Variants in OASL observed in about 807,000 individuals in gnomAD.
OASL encodes the protein 2'-5'-oligoadenylate synthase-like protein.
In OASL, 28 loss-of-function variants were observed where a neutral mutation model predicts 35.3. The observed-to-expected ratio is 0.79, with a 90% CI of 0.59 to 1.09. The LOEUF (loss-of-function observed/expected upper bound fraction) is 1.09, where lower values mean the gene tolerates loss of function less well. Among genes scored for constraint, OASL ranks in the 50% least tolerant of loss-of-function variants. The pLI is 0.00. For synonymous variants in OASL, 252 were observed against 254.6 expected (o/e 0.99, Z 0.10); for missense variants, 620 against 635.2 (o/e 0.98, Z 0.26).
intron 1 of OASL, 30 bp downstream of exon 1, chr12:121,038,744 T>A (rs1870056282): frequency 6.2e-7 from 1 of 1,611,470 alleles, no homozygotes; most frequent in East Asian, 2.2e-5. Flanking sequence ...GGTTTTGTCT[T>A]GCGTGGGGGC....
downstream of OASL, among the ~76,000 whole-genome samples, chr12:121,018,932 G>A (rs2135897232): frequency 6.7e-6 from 1 of 149,584 alleles, no homozygotes; most frequent in Non-Finnish European, 1.5e-5. Context: ...TCTACCATGT[G>A]AAGACTTAGT....
intron 1 of OASL, among the ~76,000 whole-genome samples, chr12:121,034,815 G>A (rs763543010): frequency 1.6e-4 from 24 of 152,304 alleles, no homozygotes; most frequent in Admixed American, 4.6e-4. Context: ...TGGCACACAG[G>A]AAGTCAGCAA....
chr12:121,032,254 C>G (rs1278311719), intron 2 of OASL, among the ~76,000 whole-genome samples: 2 of 152,198 alleles, frequency 1.3e-5, no homozygotes, highest in East Asian at 1.9e-4. Flanking sequence ...TGGTACACAT[C>G]ACTGAGACAT....
intron 4 of OASL, among the ~76,000 whole-genome samples, chr12:121,025,318 T>C (rs1375151097): frequency 1.3e-5 from 2 of 152,282 alleles, no homozygotes; most frequent in Admixed American, 6.5e-5. Flanking sequence ...TGGGGGCTCT[T>C]ACCCATCTAC....
chr12:121,024,250 A>C, intron 4 of OASL, 113 bp from the exon 5 acceptor site: 1 of 1,154,992 alleles, frequency 8.7e-7, no homozygotes, highest in East Asian at 2.5e-5. Context: ...TGATATCCAC[A>C]TCCCGGGGAT....
Position 121,033,736 on chromosome 12 carries a change from G to A in OASL, c.206C>T (p.Ser69Phe), listed in dbSNP as rs1311022496. ...CCTGAGAACCGTGCCATTCCCGAAG[G>A]AGCCCACCTGCAGAACACAGAGCCC... The change falls in exon 2 of 6, where the codon TCC becomes TTC. Residue 69 changes from serine to phenylalanine, a missense_variant. Coordinates refer to ENST00000257570, the Ensembl canonical transcript of OASL. The A allele has an allele frequency of 2.5e-6, 4 of 1,612,050 alleles. No individual in the cohort carries two copies. The African/African-American group carries it at 5.3e-5, about 22-fold the overall frequency.
At chr12:121,024,487 A>G (rs182928771) in intron 4 of OASL, among the ~76,000 whole-genome samples, 2 of 152,242 alleles carry the variant, frequency 1.3e-5, no homozygotes, top group East Asian at 1.9e-4. Flanking sequence ...GTGTGGTGGT[A>G]CGCACCTGTC....
chr12:121,019,610 T>C (rs1351343349), exon 6 of OASL: 1 of 152,150 alleles, frequency 6.6e-6, no homozygotes, highest in Non-Finnish European at 1.5e-5. Context: ...TTCTTAGAGT[T>C]GAGAAGCTCA....
intron 5 of OASL, chr12:121,023,787 G>A: frequency 1.9e-6 from 1 of 521,186 alleles, no homozygotes; most frequent in Non-Finnish European, 3.4e-6. Flanking sequence ...AGGAGAACAA[G>A]AATTTGAAGG....
chr12:121,032,771 T>C (rs748063567), intron 2 of OASL, among the ~76,000 whole-genome samples: 3 of 152,146 alleles, frequency 2.0e-5, no homozygotes, highest in Non-Finnish European at 4.4e-5. Context: ...CACTCCCACT[T>C]TTAGCTCCTT....
At chr12:121,023,831 T>A (rs1037236799) in intron 5 of OASL, 159 bp downstream of exon 5, 1 of 704,498 alleles carries the variant, frequency 1.4e-6, no homozygotes, top group African/African-American at 1.8e-5. Flanking sequence ...CCAAAGAATT[T>A]GTCCAAGTTC....
Position 121,032,179 on chromosome 12 carries a change from C to T in OASL, c.482-562G>A, listed in dbSNP as rs866310522. Among the ~76,000 whole-genome samples the T allele has an allele frequency of 4.6e-5, 7 of 151,284 alleles. No individual in the cohort carries two copies. The South Asian group carries it at 1.0e-3, about 22-fold the overall frequency. ...CTGCACTCCAGCCTGGGCGACAGAGCGAGACTCCGTCTCAAAAAATATATA... is the reference window on the plus strand; with the variant it reads ...CTGCACTCCAGCCTGGGCGACAGAGTGAGACTCCGTCTCAAAAAATATATA... On this transcript the variant is annotated intron_variant, in intron 2 of 5. Transcript: ENST00000257570.
exon 6 of OASL, chr12:121,020,274 C>T (rs1268020973): frequency 7.0e-6 from 2 of 285,050 alleles, no homozygotes; most frequent in Non-Finnish European, 1.3e-5. Context: ...CCTGAGACTA[C>T]AAATGTGCAC....
At chr12:121,039,014 G>GC in exon 1 of OASL, 1 of 1,556,182 alleles carries the variant, frequency 6.4e-7, no homozygotes, top group Non-Finnish European at 8.8e-7. Flanking sequence ...ATATAGCCAG[G>GC]CTCCTACCCA....
intron 3 of OASL, among the ~76,000 whole-genome samples, chr12:121,029,067 A>G (rs1336783929): frequency 1.0e-4 from 2 of 19,926 alleles, no homozygotes; most frequent in Admixed American, 8.0e-4. Context: ...TGTCTCAGAA[A>G]AAAAAAAAAA....
At chr12:121,024,738 G>C (rs911417097) in intron 4 of OASL, among the ~76,000 whole-genome samples, 4 of 152,128 alleles carry the variant, frequency 2.6e-5, no homozygotes, top group Admixed American at 6.5e-5. Flanking sequence ...GGCAGGGGGG[G>C]CCCTGTACCT....
At chr12:121,022,323 G>A (rs1402707334) in intron 5 of OASL, among the ~76,000 whole-genome samples, 1 of 152,118 alleles carries the variant, frequency 6.6e-6, no homozygotes, top group East Asian at 1.9e-4. Context: ...TTGACCTCGT[G>A]ATCTGCCCAC....
At chr12:121,035,681 A>G (rs1361153143) in intron 1 of OASL, among the ~76,000 whole-genome samples, 2 of 152,076 alleles carry the variant, frequency 1.3e-5, no homozygotes, top group Non-Finnish European at 2.9e-5. Flanking sequence ...AAGAGCCAGA[A>G]CTCAAGTAGG....
chr12:121,034,283 C>T (rs1156422666), intron 1 of OASL, among the ~76,000 whole-genome samples: 2 of 152,010 alleles, frequency 1.3e-5, no homozygotes, highest in African/African-American at 4.8e-5. Flanking sequence ...CCTCCCACCT[C>T]AGTCTCCCAA....
Sources: gnomAD v4.1 joint callset for allele counts (sites outside exome capture counted in the v4.1 genomes callset) on GRCh38, gnomAD v4.1.1 for gene constraint, MANE v1.5 for transcripts, NCBI Gene and HGNC (gene_info 2026-07-23, HGNC 2026-07-21) for gene names.